Variants in MAPK10 observed in about 807,000 individuals in gnomAD.
MAPK10 encodes the protein mitogen-activated protein kinase 10.
MAPK10 carries 25 observed loss-of-function variants against 59.3 expected under a neutral mutation model. The ratio of observed to expected loss-of-function variants is 0.42; its 90% CI spans 0.31 to 0.59. MAPK10 has a LOEUF of 0.59. MAPK10 is among the 20% of genes least tolerant of loss of function. The pLI is 0.15. For missense variants in MAPK10, 351 were observed against 568.9 expected (o/e 0.62, Z 3.90); for synonymous variants, 190 against 200.5 (o/e 0.95, Z 0.44).
chr4:86,476,230 C>A (rs1188242863), intron 1 of MAPK10, among the ~76,000 whole-genome samples: 1 of 152,054 alleles, frequency 6.6e-6, no homozygotes, highest in African/African-American at 2.4e-5. Context: ...CTCTCTGCTC[C>A]TCACCAGGCC....
intron 2 of MAPK10, among the ~76,000 whole-genome samples, chr4:86,337,081 G>T (rs1343211771): frequency 6.6e-6 from 1 of 152,064 alleles, no homozygotes; most frequent in African/African-American, 2.4e-5. Context: ...GAGCCACCAC[G>T]CCTGGCCAGG....
At chr4:86,100,021 T>C (rs753949714) in intron 8 of MAPK10, 4 of 152,152 alleles carry the variant, frequency 2.6e-5, no homozygotes, top group Non-Finnish European at 5.9e-5. Context: ...TCTAAGAGTA[T>C]ACAAAGAAGT....
In MAPK10 at chr4:86,016,312, C is replaced by G. The variant is rs1325614973; in HGVS notation, c.*916G>C. The G allele has an allele frequency of 6.6e-6, 1 of 152,270 alleles. No individual in the cohort carries two copies. Among genetic ancestry groups the G allele is most frequent in the Admixed American group, 6.5e-5 (1 of 15,270 alleles). 9.4% of individuals were successfully genotyped at this position (152,270 alleles called of 1,614,324 possible). A position where few individuals can be genotyped will look rare whatever the true frequency, so the allele number is the denominator to read the frequency against. ...TAATAACCTCCTTTCAGTCTTAGTC[C>G]ACACCACACACTACCCTCCAGTCTC... On this transcript the variant is annotated 3_prime_UTR_variant, in exon 14 of 14. Coordinates refer to ENST00000641462, the MANE Select transcript of MAPK10 (RefSeq NM_138982.4).
intron 1 of MAPK10, among the ~76,000 whole-genome samples, chr4:86,476,974 C>G (rs375833906): frequency 2.6e-5 from 4 of 152,168 alleles, no homozygotes; most frequent in East Asian, 3.9e-4. Context: ...TTCAACTTAC[C>G]TGGCAGCCAC....
intron 1 of MAPK10, among the ~76,000 whole-genome samples, chr4:86,473,440 A>C (rs1752815136): frequency 6.6e-6 from 1 of 152,208 alleles, no homozygotes; most frequent in African/African-American, 2.4e-5. Context: ...TTTATTTAAA[A>C]AGAAAAAATT....
At chr4:86,467,660 C>G (rs1476629329) in intron 1 of MAPK10, among the ~76,000 whole-genome samples, 1 of 152,146 alleles carries the variant, frequency 6.6e-6, no homozygotes, top group Non-Finnish European at 1.5e-5. Flanking sequence ...GCTGGGATTA[C>G]AGGCATGTGC....
intron 1 of MAPK10, among the ~76,000 whole-genome samples, chr4:86,568,764 T>A (rs1565054606): frequency 6.6e-6 from 1 of 152,116 alleles, no homozygotes; most frequent in African/African-American, 2.4e-5. Context: ...GAAATTGGAC[T>A]TCTCTTTCTC....
intron 1 of MAPK10, among the ~76,000 whole-genome samples, chr4:86,589,047 G>A (rs1345650575): frequency 6.6e-6 from 1 of 151,990 alleles, no homozygotes; most frequent in African/African-American, 2.4e-5. Context: ...CAAAGGGGTC[G>A]CTGCTGCTAC....
At chr4:86,507,071 A>G (rs1755795840) in intron 1 of MAPK10, among the ~76,000 whole-genome samples, 1 of 152,160 alleles carries the variant, frequency 6.6e-6, no homozygotes, top group African/African-American at 2.4e-5. Flanking sequence ...TTTTTAGAAG[A>G]TGCAATAATC....
chr4:86,536,677 T>C (rs1327282627), intron 1 of MAPK10, among the ~76,000 whole-genome samples: 1 of 152,234 alleles, frequency 6.6e-6, no homozygotes, highest in Admixed American at 6.5e-5. Context: ...TTTTTCAACA[T>C]TGTGCATTAT....
At chr4:86,367,507 G>A (rs1395861996) in intron 1 of MAPK10, among the ~76,000 whole-genome samples, 1 of 152,104 alleles carries the variant, frequency 6.6e-6, no homozygotes, top group Non-Finnish European at 1.5e-5. Context: ...ACGTACTACA[G>A]TGAGCAGGTC....
chr4:86,149,854 C>T (rs1169707206), intron 4 of MAPK10, among the ~76,000 whole-genome samples: 6 of 152,202 alleles, frequency 3.9e-5, no homozygotes, highest in South Asian at 2.1e-4. Flanking sequence ...ACTCTAACCA[C>T]GGCCTTTCAC....
chr4:86,201,552 T>C (rs2082626794), intron 2 of MAPK10, among the ~76,000 whole-genome samples: 1 of 151,918 alleles, frequency 6.6e-6, no homozygotes, highest in African/African-American at 2.4e-5. Context: ...TTTATCTTTA[T>C]ATTACAAATT....
intron 1 of MAPK10, among the ~76,000 whole-genome samples, chr4:86,548,511 G>A (rs1759464448): frequency 6.6e-6 from 1 of 152,132 alleles, no homozygotes; most frequent in African/African-American, 2.4e-5. Flanking sequence ...ATAATCTCCA[G>A]GGCTGGAGGT....
chr4:86,156,993 C>T (rs2067976477), intron 4 of MAPK10, among the ~76,000 whole-genome samples: 1 of 151,972 alleles, frequency 6.6e-6, no homozygotes, highest in African/African-American at 2.4e-5. Flanking sequence ...GGAAAATTTT[C>T]ATTTTTTTCC....
chr4:86,031,752 A>G (rs1443546074), intron 11 of MAPK10: 1 of 229,962 alleles, frequency 4.3e-6, no homozygotes, highest in African/African-American at 2.3e-5. Context: ...AAAACAGACA[A>G]AACACTTGAT....
chr4:86,242,074 C>A (rs1019933746), intron 2 of MAPK10, among the ~76,000 whole-genome samples: 1 of 151,806 alleles, frequency 6.6e-6, no homozygotes, highest in South Asian at 2.1e-4. Context: ...TCGCTTTCTG[C>A]TTGTTTGTTT....
intron 2 of MAPK10, among the ~76,000 whole-genome samples, chr4:86,264,866 C>G (rs2094159001): frequency 7.1e-6 from 1 of 141,530 alleles, no homozygotes; most frequent in African/African-American, 2.6e-5. Context: ...GTCCCCTTCT[C>G]TAGGTTTTTG....
chr4:86,369,115 G>T (rs1011653165), intron 1 of MAPK10, among the ~76,000 whole-genome samples: 3 of 152,096 alleles, frequency 2.0e-5, no homozygotes, highest in African/African-American at 7.2e-5. Flanking sequence ...ATTTGAGTTT[G>T]GTCTGGAAAT....
Sources: gnomAD v4.1 joint callset for allele counts (sites outside exome capture counted in the v4.1 genomes callset) on GRCh38, gnomAD v4.1.1 for gene constraint, MANE v1.5 for transcripts, NCBI Gene and HGNC (gene_info 2026-07-23, HGNC 2026-07-21) for gene names.